ILDR1: variants seen among roughly 807,000 people sequenced by gnomAD.
ILDR1 encodes the protein immunoglobulin-like domain-containing receptor 1.
In ILDR1, 56 loss-of-function variants were observed where a neutral mutation model predicts 62.4. The observed-to-expected ratio is 0.90, with a 90% CI of 0.72 to 1.12. The LOEUF (loss-of-function observed/expected upper bound fraction) is 1.12, where lower values mean the gene tolerates loss of function less well. Ranked by LOEUF, ILDR1 falls within the 50% of genes most tolerant of loss-of-function variation. The pLI, the probability that ILDR1 is intolerant of heterozygous loss-of-function variation, is 0.00. For missense variants in ILDR1, 736 were observed against 710.6 expected, an observed-to-expected ratio of 1.04 and a Z score of -0.41; for synonymous variants, 284 against 277.8, an observed-to-expected ratio of 1.02 and a Z score of -0.22.
Position 122,001,785 on chromosome 3 carries a change from T to A in ILDR1, c.459A>T (p.Thr153=), listed in dbSNP as rs2071531550. The A allele has an allele frequency of 6.2e-7, 1 of 1,613,528 alleles. No homozygotes were observed. Among genetic ancestry groups the A allele is most frequent in the Middle Eastern group, 1.7e-4 (1 of 5,772 alleles). The change falls in exon 4 of 8, where the codon ACA becomes ACT. Residue 153 remains threonine, a synonymous_variant. Coordinates refer to ENST00000344209, the MANE Select transcript of ILDR1 (RefSeq NM_001199799.2). ...TTACTTCCTTATCGGGGTCTCCTGA[T>A]GTGTCCCCTGGAGCCTCAATGGTGC... ...YYCTIEAPGD[T]SGDPDKEVKL...
At chr3:121,988,992 C>A (rs893521832) in intron 7 of ILDR1, among the ~76,000 whole-genome samples, 5 of 152,072 alleles carry the variant, frequency 3.3e-5, no homozygotes, top group African/African-American at 1.2e-4. Flanking sequence ...GGGTGAAGAA[C>A]TGTGGTTTAC....
the ILDR1 span, among the ~76,000 whole-genome samples, chr3:122,043,346 G>C: frequency 6.7e-6 from 1 of 148,504 alleles, no homozygotes; most frequent in African/African-American, 2.5e-5. Flanking sequence ...AAGTCAGGTA[G>C]TGTGATGCCT....
At chr3:122,031,026 C>T in the ILDR1 span, among the ~76,000 whole-genome samples, 2 of 152,280 alleles carry the variant, frequency 1.3e-5, no homozygotes, top group East Asian at 1.9e-4. Context: ...TCTTTTTCGT[C>T]GCCTAGAGTG....
At chr3:122,056,116 T>C in the ILDR1 span, among the ~76,000 whole-genome samples, 1 of 152,306 alleles carries the variant, frequency 6.6e-6, no homozygotes, top group East Asian at 1.9e-4. Flanking sequence ...CAATGACTTT[T>C]GGAAAGACAT....
chr3:122,047,671 G>A, the ILDR1 span, among the ~76,000 whole-genome samples: 1 of 152,166 alleles, frequency 6.6e-6, no homozygotes, highest in Non-Finnish European at 1.5e-5. Flanking sequence ...GGAGTGACCC[G>A]ATTTTCCAGG....
At chr3:122,043,032 G>A in the ILDR1 span, among the ~76,000 whole-genome samples, 1 of 144,562 alleles carries the variant, frequency 6.9e-6, no homozygotes. Flanking sequence ...TTTCTTCTAG[G>A]GTTTTTATGG....
At chr3:122,028,500 T>G in the ILDR1 span, among the ~76,000 whole-genome samples, 1 of 152,306 alleles carries the variant, frequency 6.6e-6, no homozygotes, top group South Asian at 2.1e-4. Flanking sequence ...ACATAAAATT[T>G]TTTTAAAAGT....
rs139080082 is a variant in ILDR1 at position 122,011,255 on chromosome 3, G to A, written c.59-4094C>T. Among the ~76,000 whole-genome samples the A allele has an allele frequency of 5.9e-3, 893 of 152,270 alleles. 10 individuals are homozygous for A. The highest frequency in any genetic ancestry group is 0.02 in the African/African-American group (838 of 41,534). ...TAGAGGTAGCGCATTTGGGAGCAGG[G>A]AGACCAGGTTTGCTGGGGGTCAGAA... On this transcript the variant is annotated intron_variant, in intron 1 of 7. Coordinates refer to ENST00000344209, the MANE Select transcript of ILDR1 (RefSeq NM_001199799.2).
At chr3:122,041,487 T>C in the ILDR1 span, among the ~76,000 whole-genome samples, 1 of 152,232 alleles carries the variant, frequency 6.6e-6, no homozygotes, top group Non-Finnish European at 1.5e-5. Flanking sequence ...ATTTCTATTG[T>C]TTATAAATTA....
chr3:122,020,967 T>C (rs1451105014), intron 1 of ILDR1, among the ~76,000 whole-genome samples: 1 of 152,232 alleles, frequency 6.6e-6, no homozygotes, highest in Non-Finnish European at 1.5e-5. Flanking sequence ...GGTAGAATCC[T>C]GTCTGAATAA....
the ILDR1 span, among the ~76,000 whole-genome samples, chr3:122,033,541 A>AT: frequency 1.3e-5 from 2 of 151,790 alleles, no homozygotes; most frequent in Non-Finnish European, 1.5e-5. Flanking sequence ...AGTCCTCAAG[A>AT]TTTTTGTGTT....
At chr3:122,034,078 T>A in the ILDR1 span, among the ~76,000 whole-genome samples, 1 of 152,222 alleles carries the variant, frequency 6.6e-6, no homozygotes, top group Non-Finnish European at 1.5e-5. Flanking sequence ...AGAATTGGAA[T>A]TTTTATGTTA....
intron 7 of ILDR1, among the ~76,000 whole-genome samples, chr3:121,991,341 C>G (rs1330208784): frequency 2.6e-5 from 4 of 152,178 alleles, no homozygotes; most frequent in African/African-American, 9.7e-5. Context: ...AATAATTTAA[C>G]TTAGAAGAAG....
At chr3:122,000,606 C>G (rs2071507484) in intron 5 of ILDR1, among the ~76,000 whole-genome samples, 1 of 152,240 alleles carries the variant, frequency 6.6e-6, no homozygotes, top group Admixed American at 6.5e-5. Context: ...CTGTGAACTG[C>G]TCTAGCAAAT....
chr3:122,059,030 G>A, the ILDR1 span, among the ~76,000 whole-genome samples: 16 of 152,126 alleles, frequency 1.1e-4, no homozygotes, highest in Non-Finnish European at 1.9e-4. Flanking sequence ...GAAGCAGAGT[G>A]GGTTTGCGCC....
the ILDR1 span, among the ~76,000 whole-genome samples, chr3:122,044,646 G>A: frequency 2.0e-5 from 3 of 151,458 alleles, no homozygotes; most frequent in African/African-American, 7.2e-5. Context: ...TTAGTCTTGG[G>A]AGAGTGTATG....
Position 121,994,243 on chromosome 3 carries a change from G to GT in ILDR1, c.716dup (p.Tyr239Ter), listed in dbSNP as rs2071404919. The GT allele has an allele frequency of 3.3e-6, 5 of 1,535,948 alleles. No individual in the cohort carries two copies. The South Asian group carries it at 5.9e-5, about 18-fold the overall frequency. Residue 239 changes from tyrosine to a stop codon, truncating the protein, a stop_gained and frameshift_variant, in exon 6 of 8, where the codon TAC becomes TAAC. Transcript: ENST00000344209. LOFTEE classifies it high-confidence loss of function. ...LGPQMMGKPLYWGADRSSQVS... is the reference protein window; with the variant it reads ...LGPQMMGKPL The stretch of plus-strand genomic sequence containing the variant: ...CCTGGGAGCTCCTGTCCGCCCCCCA[G>GT]TACAGGGGTTTTCCCATCATCTGAG...
At chr3:121,999,849 A>G (rs754840905) in intron 5 of ILDR1, among the ~76,000 whole-genome samples, 12 of 152,208 alleles carry the variant, frequency 7.9e-5, no homozygotes, top group Middle Eastern at 3.4e-3. Context: ...TTACTAGTTT[A>G]TCTTCCCAGG....
At chr3:122,001,606 T>C in intron 4 of ILDR1, 139 bp downstream of exon 4, 1 of 1,497,774 alleles carries the variant, frequency 6.7e-7, no homozygotes, top group Non-Finnish European at 9.3e-7. Flanking sequence ...AGTTTAGCTT[T>C]GATAAGGGAA....
Sources: gnomAD v4.1 joint callset for allele counts (sites outside exome capture counted in the v4.1 genomes callset) on GRCh38, gnomAD v4.1.1 for gene constraint, MANE v1.5 for transcripts, NCBI Gene and HGNC (gene_info 2026-07-23, HGNC 2026-07-21) for gene names.